SYN1: variants seen among roughly 807,000 people sequenced by gnomAD.
The protein encoded by SYN1 is synapsin-1.
In SYN1, 8 loss-of-function variants were observed where a neutral mutation model predicts 44.6. That is an observed-to-expected ratio of 0.18 (90% CI 0.11 to 0.32). SYN1 has a LOEUF of 0.32. Among genes scored for constraint, SYN1 ranks in the 10% least tolerant of loss-of-function variants. SYN1 has a pLI of 1.00. For missense variants in SYN1, 451 were observed against 639.4 expected, an observed-to-expected ratio of 0.71 and a Z score of 3.18; for synonymous variants, 275 against 280.1, an observed-to-expected ratio of 0.98 and a Z score of 0.18.
Position 47,575,072 on chromosome X carries a change from C to T in SYN1, c.1305+56G>A, listed in dbSNP as rs1321323451. The stretch of plus-strand genomic sequence containing the variant: ...ATCAGCTTCATGGCACAGCATGACC[C>T]AGGGCCGGCCTCCCCACACTAGCTC... On this transcript the variant is annotated intron_variant, in intron 10 of 12. Coordinates refer to ENST00000295987, the MANE Select transcript of SYN1 (RefSeq NM_006950.3). 2.6e-6 allele frequency: 3 copies of T among 1,163,127 alleles called. No individual in the cohort carries two copies. In the East Asian group the frequency reaches 9.7e-5, roughly 38 times the overall value.
intron 1 of SYN1, among the ~76,000 whole-genome samples, chrX:47,608,952 A>T (rs1382903152): frequency 1.0e-5 from 1 of 99,865 alleles, no homozygotes; most frequent in African/African-American, 3.8e-5. Context: ...GACTTGACTG[A>T]CATATGCAAG....
In SYN1 at chrX:47,619,411, TGCGCCCCCA is replaced by T. The variant is rs2057940931; in HGVS notation, c.309_317del (p.Gly105_Gly107del). 8.4e-7 allele frequency: 1 copy of T among 1,189,557 alleles called. No homozygotes were observed. ...CCCTGGAGGCGGCTCCCCCGCGGCCTGCGCCCCCAGAGCCGCCGCCCACCTGCTCGCTGA... is the reference window on the plus strand; with the variant it reads ...CCCTGGAGGCGGCTCCCCCGCGGCCTGAGCCGCCGCCCACCTGCTCGCTGA... On this transcript the variant is annotated inframe_deletion, in exon 1 of 13. Transcript: ENST00000295987.
At chrX:47,577,789 G>A (rs1008452494) in intron 5 of SYN1, among the ~76,000 whole-genome samples, 1 of 107,209 alleles carries the variant, frequency 9.3e-6, no homozygotes, top group African/African-American at 3.4e-5. Context: ...TGAGCGTGGG[G>A]GACTGTTCCA....
At chrX:47,589,258 C>T (rs2097423) in intron 5 of SYN1, among the ~76,000 whole-genome samples, 43,843 of 96,694 alleles carry the variant, frequency 0.45, 8,245 homozygotes, top group East Asian at 0.56. Context: ...GATCATGCCA[C>T]TGCACCCCAG....
intron 3 of SYN1, 117 bp downstream of exon 3, chrX:47,606,828 C>A (rs886476190): frequency 1.4e-6 from 1 of 738,451 alleles, no homozygotes; most frequent in African/African-American, 2.2e-5. Context: ...TCCCCACATT[C>A]CATGCCTAAG....
intron 5 of SYN1, among the ~76,000 whole-genome samples, chrX:47,597,833 C>A (rs1033680312): frequency 8.9e-6 from 1 of 111,935 alleles, no homozygotes; most frequent in Non-Finnish European, 1.9e-5. Flanking sequence ...GGATTAGCAG[C>A]TAATTTCTCA....
intron 5 of SYN1, among the ~76,000 whole-genome samples, chrX:47,577,744 G>A (rs755849245): frequency 9.1e-6 from 1 of 110,314 alleles, no homozygotes; most frequent in Non-Finnish European, 1.9e-5. Context: ...AGTTCCAGAC[G>A]TCCCGCCCCT....
At chrX:47,605,553 G>A (rs2057894042) in intron 3 of SYN1, among the ~76,000 whole-genome samples, 174 bp from the exon 4 acceptor site, 1 of 111,521 alleles carries the variant, frequency 9.0e-6, no homozygotes, top group African/African-American at 3.3e-5. Flanking sequence ...TCTACCCTCT[G>A]CCCACCTGGT....
At chrX:47,576,709 G>A in intron 6 of SYN1, 69 bp from the exon 7 acceptor site, 7 of 1,178,423 alleles carry the variant, frequency 5.9e-6, no homozygotes, top group Non-Finnish European at 8.1e-6. Flanking sequence ...GGGGTGCCTG[G>A]GGGAGCATGT....
chrX:47,582,394 C>T (rs1163219627), intron 5 of SYN1: 1 of 212,749 alleles, frequency 4.7e-6, no homozygotes, highest in East Asian at 1.5e-4. Flanking sequence ...GCCACCCCCG[C>T]CCCTAGCGTG....
Position 47,574,515 on chromosome X carries a change from T to C in SYN1, c.1469A>G (p.Gln490Arg). Residue 490 changes from glutamine to arginine, a missense_variant, in exon 12 of 13, where the codon CAG (glutamine) becomes CGG (arginine). By Grantham distance (43) the Gln-to-Arg change is conservative (BLOSUM62 1). Transcript: ENST00000295987. Reference protein sequence around the residue: ...PLQQRPPPQGQQHLSGLGPPA... With the variant: ...PLQQRPPPQGRQHLSGLGPPA... ...GGGTCCAAGGCCTGAAAGGTGCTGC[T>C]GGCCCTGCGGGGGCGGGCGCTGCTG... 9.3e-7 allele frequency: 1 copy of C among 1,080,406 alleles called. No individual in the cohort carries two copies. Among genetic ancestry groups the C allele is most frequent in the Non-Finnish European group, 1.2e-6 (1 of 836,621 alleles). The allele number at this position is 1,080,406 out of a possible 1,213,427, so 89.0% of individuals were successfully genotyped here. A position where few individuals can be genotyped will look rare whatever the true frequency, so the allele number is the denominator to read the frequency against.
intron 5 of SYN1, among the ~76,000 whole-genome samples, chrX:47,592,158 T>G (rs932360096): frequency 7.2e-5 from 8 of 110,716 alleles, no homozygotes; most frequent in African/African-American, 2.6e-4. Context: ...CTAGGCAACA[T>G]AGCAAGACCG....
intron 2 of SYN1, 43 bp from the exon 3 acceptor site, chrX:47,607,079 A>G: frequency 8.3e-7 from 1 of 1,207,417 alleles, no homozygotes. Flanking sequence ...ACATCACACA[A>G]AAATGGCCAC....
intron 5 of SYN1, chrX:47,590,061 T>C (rs1019482126): frequency 2.7e-5 from 3 of 110,840 alleles, no homozygotes; most frequent in Non-Finnish European, 5.7e-5. Flanking sequence ...GGGGTAGGTC[T>C]CCGAGACCCA....
intron 5 of SYN1, among the ~76,000 whole-genome samples, chrX:47,596,416 G>A (rs758581801): frequency 2.7e-5 from 3 of 112,207 alleles, no homozygotes; most frequent in Non-Finnish European, 5.6e-5. Flanking sequence ...CCACAAATAC[G>A]CATAAGGCTG....
chrX:47,574,944 GAGGT>G (rs1208658637), intron 10 of SYN1, among the ~76,000 whole-genome samples, 169 bp from the exon 11 acceptor site: 2 of 112,347 alleles, frequency 1.8e-5, no homozygotes, highest in Non-Finnish European at 3.8e-5. Flanking sequence ...GCGGGGCAGG[GAGGT>G]GCTCAGGGAA....
At chrX:47,616,319 A>G (rs192302920) in intron 1 of SYN1, among the ~76,000 whole-genome samples, 14 of 112,009 alleles carry the variant, frequency 1.2e-4, no homozygotes, top group African/African-American at 4.5e-4. Flanking sequence ...CAGAAGGGGA[A>G]GGGATGGATC....
rs1202607861 is a variant in SYN1, at chrX:47,574,022, T to C, written c.1962A>G (p.Gly654=). The C allele has an allele frequency of 8.7e-7, 1 of 1,146,157 alleles. No homozygotes were observed. Among genetic ancestry groups the C allele is most frequent in the East Asian group, 3.3e-5 (1 of 29,908 alleles). The allele number at this position is 1,146,157 out of a possible 1,213,427, so 94.5% of individuals were successfully genotyped here. The change falls in exon 12 of 13, where the codon GGA becomes GGG. Residue 654 remains glycine (G), a synonymous_variant. Transcript: ENST00000295987. ...CTTACTTGAGCTGGGGGTGCGGAGG[T>C]CCCCCTGCAGCGGCGGTGGCGGGTG... ...VPPPATAAAG[G]PPHPQLNKSQ...
At chrX:47,580,953 G>C (rs2057796223) in intron 5 of SYN1, among the ~76,000 whole-genome samples, 2 of 111,110 alleles carry the variant, frequency 1.8e-5, no homozygotes, top group African/African-American at 6.5e-5. Context: ...AATAGATTTA[G>C]AGGGTACAGC....
Sources: gnomAD v4.1 joint callset for allele counts (sites outside exome capture counted in the v4.1 genomes callset) on GRCh38, gnomAD v4.1.1 for gene constraint, MANE v1.5 for transcripts, NCBI Gene and HGNC (gene_info 2026-07-23, HGNC 2026-07-21) for gene names.